TARS3: variants seen among roughly 807,000 people sequenced by gnomAD.
TARS3 encodes threonine--tRNA ligase 2, cytoplasmic.
Under a neutral mutation model 103.5 loss-of-function variants are expected in TARS3, and 94 were observed. The observed-to-expected ratio is 0.91, with a 90% CI of 0.77 to 1.08. The LOEUF (loss-of-function observed/expected upper bound fraction) is 1.08. Ranked by LOEUF, TARS3 falls within the 50% of genes least tolerant of loss-of-function variation. TARS3 has a pLI of 0.00. For synonymous variants in TARS3, 416 were observed against 355.4 expected (o/e 1.17, Z -1.92); for missense variants, 952 against 995.2 (o/e 0.96, Z 0.58).
chr15:101,715,816 A>C (rs1900129116), intron 3 of TARS3, among the ~76,000 whole-genome samples: 1 of 152,226 alleles, frequency 6.6e-6, no homozygotes, highest in Non-Finnish European at 1.5e-5. Flanking sequence ...CTGGGAATAC[A>C]TCCACAGAAT....
chr15:101,723,970 ACTGGGAGGGCACTCCCCCGGGGCG>A, intron 1 of TARS3, 97 bp downstream of exon 1: 1 of 942,848 alleles, frequency 1.1e-6, no homozygotes, highest in Non-Finnish European at 1.4e-6. Flanking sequence ...GCCGCAGGGC[ACTGGGAGGGCACTCCCCCGGGGCG>A]CCCCCGCACC....
intron 3 of TARS3, among the ~76,000 whole-genome samples, chr15:101,718,375 A>G (rs1900270463): frequency 6.6e-6 from 1 of 151,570 alleles, no homozygotes; most frequent in Non-Finnish European, 1.5e-5. Context: ...ACCCTGGGTA[A>G]CTCTTGTTGC....
intron 10 of TARS3, among the ~76,000 whole-genome samples, chr15:101,694,662 G>A (rs147479425): frequency 3.3e-5 from 5 of 152,250 alleles, no homozygotes; most frequent in East Asian, 1.9e-4. Flanking sequence ...CTCCAGCAAC[G>A]TACTTTAAAT....
intron 4 of TARS3, among the ~76,000 whole-genome samples, chr15:101,712,905 G>C (rs1899938736): frequency 6.6e-6 from 1 of 152,224 alleles, no homozygotes; most frequent in African/African-American, 2.4e-5. Context: ...CAATAGGCTG[G>C]GATATGATTT....
At chr15:101,678,208 G>C (rs1463400393) in intron 12 of TARS3, among the ~76,000 whole-genome samples, 1 of 150,574 alleles carries the variant, frequency 6.6e-6, no homozygotes, top group Non-Finnish European at 1.5e-5. Flanking sequence ...TTGAACTCCT[G>C]ACCTCATGAT....
chr15:101,696,708 G>C (rs759944426), intron 10 of TARS3, among the ~76,000 whole-genome samples: 7 of 152,158 alleles, frequency 4.6e-5, no homozygotes, highest in Non-Finnish European at 1.0e-4. Context: ...TACTGGCAGT[G>C]ACAAGAGGTT....
At chr15:101,718,241 G>T (rs550410183) in intron 3 of TARS3, among the ~76,000 whole-genome samples, 32 of 152,102 alleles carry the variant, frequency 2.1e-4, no homozygotes, top group Non-Finnish European at 4.4e-4. Flanking sequence ...GGTGGCGCAT[G>T]CCTGTAATCT....
rs114481588 is a variant in TARS3, at chr15:101,708,730, G to A, written c.930+63C>T. 2.3e-3 allele frequency: 2,459 copies of A among 1,088,212 alleles called. 41 individuals are homozygous for A. The African/African-American group carries it at 0.035, about 15-fold the overall frequency. The allele number at this position is 1,088,212 out of a possible 1,614,324, so 67.4% of individuals were successfully genotyped here. A position where few individuals can be genotyped will look rare whatever the true frequency, so the allele number is the denominator to read the frequency against. On this transcript the variant is annotated intron_variant, in intron 6 of 18. Coordinates refer to ENST00000335968, the MANE Select transcript of TARS3 (RefSeq NM_152334.3). ...AGGTAATTATTTGGGGGAAGGTGGG[G>A]AAGCTAGTCTATATTGATTTTTAAT...
chr15:101,674,048 T>C (rs1019809213), intron 13 of TARS3, among the ~76,000 whole-genome samples: 1 of 152,290 alleles, frequency 6.6e-6, no homozygotes, highest in African/African-American at 2.4e-5. Flanking sequence ...AAACAACTCA[T>C]AAGTTTTAAA....
chr15:101,674,642 TA>T (rs1464374759), intron 13 of TARS3, among the ~76,000 whole-genome samples: 1 of 151,788 alleles, frequency 6.6e-6, no homozygotes, highest in Non-Finnish European at 1.5e-5. Flanking sequence ...CTGTCTCTGC[TA>T]AAAATACAAA....
At chr15:101,719,247 T>A (rs1900321775) in intron 3 of TARS3, among the ~76,000 whole-genome samples, 1 of 152,228 alleles carries the variant, frequency 6.6e-6, no homozygotes, top group Non-Finnish European at 1.5e-5. Flanking sequence ...TTTGTGATTG[T>A]CTTCTGTGTA....
At chr15:101,664,915 A>G (rs1897519509) in intron 15 of TARS3, among the ~76,000 whole-genome samples, 1 of 147,522 alleles carries the variant, frequency 6.8e-6, no homozygotes, top group Admixed American at 6.8e-5. Flanking sequence ...AAGAAACACA[A>G]AACACGAACA....
In TARS3 at chr15:101,702,492, C is replaced by T. The variant is rs147276582; in HGVS notation, c.1075-107G>A. 297 of 941,316 alleles carry T rather than the reference C, an allele frequency of 3.2e-4. 3 individuals carry two copies. The African/African-American group carries it at 4.0e-3, about 13-fold the overall frequency. 58.3% of individuals were successfully genotyped at this position (941,316 alleles called of 1,614,324 possible). ...CCACTATCATATCAACAAAGCAGCC[C>T]TGCATGGTGGCTCATGCCTATAATC... On this transcript the variant is annotated intron_variant, in intron 8 of 18. Coordinates refer to ENST00000335968, the MANE Select transcript of TARS3 (RefSeq NM_152334.3).
chr15:101,684,297 T>C (rs1246214610), intron 11 of TARS3, 60 bp from the exon 12 acceptor site: 2 of 1,423,294 alleles, frequency 1.4e-6, no homozygotes, highest in Non-Finnish European at 1.9e-6. Context: ...AATAATTATC[T>C]AAATATAAAG....
rs542026299 is a variant in TARS3 at position 101,657,746 on chromosome 15, T to G, written c.2145+39A>C. The G allele has an allele frequency of 7.2e-6, 10 of 1,388,192 alleles. No homozygotes were observed. The South Asian group carries it at 1.2e-4, about 17-fold the overall frequency. 86.0% of individuals were successfully genotyped at this position (1,388,192 alleles called of 1,614,324 possible). On this transcript the variant is annotated intron_variant, in intron 17 of 18. Transcript: ENST00000335968. ...AAATCGATGACCTACACAGAATACA[T>G]GCAAGATTATTATGTACTTTAAACA...
At chr15:101,667,196 C>T (rs637548) in intron 15 of TARS3, among the ~76,000 whole-genome samples, 107,892 of 152,020 alleles carry the variant, frequency 0.71, 39,077 homozygotes, top group African/African-American at 0.77. Context: ...TGTAAACAGA[C>T]GTGCTGTCAT....
intron 3 of TARS3, among the ~76,000 whole-genome samples, chr15:101,715,215 C>T (rs371382025): frequency 6.8e-6 from 1 of 147,966 alleles, no homozygotes; most frequent in African/African-American, 2.5e-5. Flanking sequence ...GGCGGGATCT[C>T]GGCTCACTGC....
intron 16 of TARS3, among the ~76,000 whole-genome samples, chr15:101,658,356 C>T (rs1392306905): frequency 9.3e-6 from 1 of 108,072 alleles, no homozygotes; most frequent in African/African-American, 3.4e-5. Flanking sequence ...TATCTCGAAA[C>T]AAAACAACAT....
chr15:101,689,907 A>C (rs568157120), intron 10 of TARS3, among the ~76,000 whole-genome samples: 136 of 152,350 alleles, frequency 8.9e-4, no homozygotes, highest in African/African-American at 3.1e-3. Context: ...TGGGAAAAGA[A>C]GGCTCTGATG....
Sources: allele counts gnomAD v4.1 joint callset (sites outside exome capture counted in the v4.1 genomes callset), GRCh38; gene constraint gnomAD v4.1.1; transcripts MANE v1.5; gene names NCBI Gene and HGNC (gene_info 2026-07-23, HGNC 2026-07-21).